Variants in DAB1 observed in about 807,000 individuals in gnomAD.
DAB1 encodes the protein DAB adaptor protein 1.
In DAB1, 15 loss-of-function variants were observed where a neutral mutation model predicts 64.6. The observed-to-expected ratio is 0.23, with a 90% CI of 0.16 to 0.36. The LOEUF (loss-of-function observed/expected upper bound fraction) is 0.36, where lower values mean the gene tolerates loss of function less well. Ranked by LOEUF, DAB1 falls within the 10% of genes least tolerant of loss-of-function variation. The pLI, the probability that DAB1 is intolerant of heterozygous loss-of-function variation, is 1.00. For missense variants in DAB1, 596 were observed against 706.7 expected (o/e 0.84, Z 1.78); for synonymous variants, 235 against 251.9 (o/e 0.93, Z 0.64).
At chr1:57,782,852 T>G (rs982014289) in intron 6 of DAB1, among the ~76,000 whole-genome samples, 1 of 152,124 alleles carries the variant, frequency 6.6e-6, no homozygotes, top group African/African-American at 2.4e-5. Flanking sequence ...TTTATTTTCG[T>G]TTGAAGCTTG....
At chr1:57,195,581 C>CCTCTCTAA in intron 2 of DAB1, among the ~76,000 whole-genome samples, 1 of 152,356 alleles carries the variant, frequency 6.6e-6, no homozygotes, top group Admixed American at 6.5e-5. Flanking sequence ...GGGCTGAACC[C>CCTCTCTAA]AGTTCTCTCT....
intron 3 of DAB1, among the ~76,000 whole-genome samples, chr1:58,463,637 C>A (rs376943579): frequency 6.6e-6 from 1 of 152,198 alleles, no homozygotes; most frequent in Non-Finnish European, 1.5e-5. Flanking sequence ...CATGTATCTA[C>A]GGCCTGGGCA....
chr1:57,971,490 C>T (rs2100308769), intron 5 of DAB1, among the ~76,000 whole-genome samples: 1 of 152,282 alleles, frequency 6.6e-6, no homozygotes, highest in South Asian at 2.1e-4. Flanking sequence ...GCCTAGATTC[C>T]AGCCTCAGCA....
At chr1:57,316,063 C>G (rs1437971011) in intron 1 of DAB1, among the ~76,000 whole-genome samples, 2 of 152,194 alleles carry the variant, frequency 1.3e-5, no homozygotes, top group African/African-American at 4.8e-5. Flanking sequence ...TAAATTCCCT[C>G]TTAGTAAGTG....
chr1:58,530,804 A>C, intron 1 of DAB1: 1 of 771,730 alleles, frequency 1.3e-6, no homozygotes, highest in South Asian at 1.5e-5. Context: ...CTAGTTCATC[A>C]TGTGTTACAA....
intron 2 of DAB1, among the ~76,000 whole-genome samples, chr1:58,510,735 C>A (rs541144273): frequency 3.3e-4 from 50 of 150,094 alleles, no homozygotes; most frequent in Middle Eastern, 3.4e-3. Flanking sequence ...TCCACACACA[C>A]AAAAAAAAAC....
chr1:57,976,437 G>C (rs2100325696), intron 5 of DAB1, among the ~76,000 whole-genome samples: 1 of 152,266 alleles, frequency 6.6e-6, no homozygotes, highest in East Asian at 1.9e-4. Context: ...TGCTTTTCCA[G>C]TATGCAATGA....
chr1:58,511,450 C>A (rs758541762), intron 2 of DAB1, among the ~76,000 whole-genome samples: 1 of 152,006 alleles, frequency 6.6e-6, no homozygotes, highest in Non-Finnish European at 1.5e-5. Context: ...GAGTCCAAGA[C>A]CAACCTGGGC....
chr1:57,813,666 A>G (rs1651729215), intron 6 of DAB1, among the ~76,000 whole-genome samples: 3 of 152,202 alleles, frequency 2.0e-5, no homozygotes, highest in African/African-American at 7.2e-5. Flanking sequence ...CTGTTAGATG[A>G]AAAGCACAGA....
At chr1:58,536,510 T>C (rs1187980101) in intron 1 of DAB1, 2 of 869,242 alleles carry the variant, frequency 2.3e-6, no homozygotes, top group Non-Finnish European at 4.0e-6. Flanking sequence ...TCTTACTACT[T>C]ACTGCTTCAT....
chr1:57,287,773 C>A (rs1237623495), intron 2 of DAB1, among the ~76,000 whole-genome samples: 2 of 85,498 alleles, frequency 2.3e-5, no homozygotes, highest in Non-Finnish European at 4.6e-5. Context: ...CACGTTTTCT[C>A]TCTCTTTTAT....
intron 1 of DAB1, among the ~76,000 whole-genome samples, chr1:57,346,088 CT>C (rs1354988779): frequency 6.6e-6 from 1 of 152,150 alleles, no homozygotes; most frequent in Non-Finnish European, 1.5e-5. Context: ...GAGGTTGGAA[CT>C]TAAAGCTATT....
At chr1:57,031,275 C>A (rs978677160) in intron 9 of DAB1, among the ~76,000 whole-genome samples, 4 of 152,200 alleles carry the variant, frequency 2.6e-5, no homozygotes, top group Admixed American at 2.6e-4. Context: ...CATATGTGGT[C>A]AAGAATCTGA....
chr1:57,662,187 GT>G lies in DAB1; in HGVS notation n.552-12523del, dbSNP rs1646395000. 2.7e-5 allele frequency among the ~76,000 whole-genome samples: 4 copies of G among 149,436 alleles called. No individual in the cohort carries two copies. In the South Asian group the frequency reaches 8.3e-4, roughly 31 times the overall value. ...GTCTAGAGAATGTTGTTCTTTGTTT[GT>G]TTGTTTGTTTGTTTGTTTGTTTTTG... is the stretch of plus-strand genomic sequence containing the variant. On this transcript the variant is annotated intron_variant and non_coding_transcript_variant, in intron 6 of 20. Transcript: ENST00000485760.
intron 2 of DAB1, among the ~76,000 whole-genome samples, chr1:57,157,648 GA>G (rs1283565691): frequency 6.6e-6 from 1 of 151,986 alleles, no homozygotes; most frequent in Non-Finnish European, 1.5e-5. Flanking sequence ...ATCCCATCAT[GA>G]ATACTCTACT....
chr1:58,536,553 T>C (rs1646520283), intron 1 of DAB1: 2 of 872,770 alleles, frequency 2.3e-6, no homozygotes, highest in African/African-American at 3.3e-5. Context: ...GAACTGTTCT[T>C]TCCCCAATAA....
At chr1:57,409,232 T>C (rs1683905655) in intron 1 of DAB1, among the ~76,000 whole-genome samples, 1 of 152,236 alleles carries the variant, frequency 6.6e-6, no homozygotes, top group African/African-American at 2.4e-5. Flanking sequence ...AGAGGTAGGT[T>C]GGCTTCCTCC....
At chr1:57,123,719 T>C (rs1221451354) in intron 4 of DAB1, among the ~76,000 whole-genome samples, 1 of 152,200 alleles carries the variant, frequency 6.6e-6, no homozygotes, top group Non-Finnish European at 1.5e-5. Context: ...TATGCTAGAA[T>C]GCTTTATGTT....
intron 2 of DAB1, among the ~76,000 whole-genome samples, chr1:57,161,481 A>G (rs191250510): frequency 2.0e-5 from 3 of 152,314 alleles, no homozygotes; most frequent in African/African-American, 7.2e-5. Context: ...CAGGAGATGC[A>G]GTGAAATTTG....
Sources: allele counts gnomAD v4.1 joint callset (sites outside exome capture counted in the v4.1 genomes callset), GRCh38; gene constraint gnomAD v4.1.1; transcripts MANE v1.5; gene names NCBI Gene and HGNC (gene_info 2026-07-23, HGNC 2026-07-21).